Variants in B3GALT1 observed in about 807,000 individuals in gnomAD.
B3GALT1 encodes beta-1,3-galactosyltransferase 1.
In B3GALT1, 10 loss-of-function variants were observed where a neutral mutation model predicts 23.2. The observed-to-expected ratio is 0.43, with a 90% confidence interval of 0.27 to 0.73. The LOEUF is 0.73. Ranked by LOEUF, B3GALT1 falls within the 30% of genes least tolerant of loss-of-function variation. B3GALT1 has a pLI of 0.21. For synonymous variants in B3GALT1, 156 were observed against 141.5 expected (o/e 1.10, Z -0.73); for missense variants, 299 against 405.4 (o/e 0.74, Z 2.25).
intron 3 of B3GALT1, among the ~76,000 whole-genome samples, chr2:167,655,643 T>G (rs1685943754): frequency 6.6e-6 from 1 of 152,212 alleles, no homozygotes; most frequent in Non-Finnish European, 1.5e-5. Flanking sequence ...TGTAAATCAT[T>G]TTTTCCTATC....
chr2:167,570,830 ATCT>A (rs1184758303), intron 2 of B3GALT1, among the ~76,000 whole-genome samples: 1 of 151,928 alleles, frequency 6.6e-6, no homozygotes, highest in Non-Finnish European at 1.5e-5. Flanking sequence ...GGCTGCTAAA[ATCT>A]TCTTTTTGGA....
intron 1 of B3GALT1, among the ~76,000 whole-genome samples, chr2:167,434,958 T>TA (rs902506666): frequency 3.9e-5 from 6 of 152,104 alleles, no homozygotes; most frequent in African/African-American, 1.4e-4. Context: ...GATTAAGTTT[T>TA]AAAATTATAA....
intron 2 of B3GALT1, among the ~76,000 whole-genome samples, chr2:167,573,740 A>G (rs554703923): frequency 2.0e-4 from 31 of 151,720 alleles, no homozygotes; most frequent in Non-Finnish European, 3.5e-4. Flanking sequence ...TTACACAAAG[A>G]ATAGGCTACA....
intron 4 of B3GALT1, among the ~76,000 whole-genome samples, chr2:167,820,979 C>T (rs558865950): frequency 2.6e-5 from 4 of 152,312 alleles, no homozygotes; most frequent in Admixed American, 2.6e-4. Flanking sequence ...TATTTTATCT[C>T]TGCCTCTGGA....
At chr2:167,459,106 A>T (rs1699217133) in intron 1 of B3GALT1, among the ~76,000 whole-genome samples, 1 of 152,080 alleles carries the variant, frequency 6.6e-6, no homozygotes, top group South Asian at 2.1e-4. Flanking sequence ...TTTCATTTAC[A>T]TTTAAAGTAA....
chr2:167,603,064 C>T (rs547082152), intron 2 of B3GALT1, among the ~76,000 whole-genome samples: 6 of 152,182 alleles, frequency 3.9e-5, no homozygotes, highest in Admixed American at 2.0e-4. Context: ...GCTTTTCTCC[C>T]GACAGGAAAC....
At chr2:167,589,084 G>A (rs10182563) in intron 2 of B3GALT1, among the ~76,000 whole-genome samples, 27,397 of 151,848 alleles carry the variant, frequency 0.18, 2,537 homozygotes, top group Non-Finnish European at 0.2. Flanking sequence ...TGGGACCACA[G>A]GCATGAGCCA....
chr2:167,401,961 A>T (rs149927694), intron 1 of B3GALT1, among the ~76,000 whole-genome samples: 422 of 152,286 alleles, frequency 2.8e-3, no homozygotes, highest in African/African-American at 9.6e-3. Context: ...ATTAAATGGA[A>T]ATGAATGGGT....
At chr2:167,322,061 T>C (rs1334606892) in intron 1 of B3GALT1, among the ~76,000 whole-genome samples, 1 of 152,036 alleles carries the variant, frequency 6.6e-6, no homozygotes, top group Non-Finnish European at 1.5e-5. Flanking sequence ...TGAGACCTTC[T>C]CCTCTTGTGT....
intron 2 of B3GALT1, among the ~76,000 whole-genome samples, chr2:167,619,171 C>T (rs576297333): frequency 6.5e-4 from 98 of 151,892 alleles, no homozygotes; most frequent in South Asian, 1.9e-3. Context: ...GTATGCACTC[C>T]TAGATTTTTG....
intron 3 of B3GALT1, among the ~76,000 whole-genome samples, chr2:167,805,720 G>C (rs1688738509): frequency 6.6e-6 from 1 of 152,140 alleles, no homozygotes; most frequent in South Asian, 2.1e-4. Context: ...ATGCTGTTTT[G>C]ATTACTGTAG....
intron 1 of B3GALT1, among the ~76,000 whole-genome samples, chr2:167,422,575 G>A (rs1698564378): frequency 6.6e-6 from 1 of 152,170 alleles, no homozygotes; most frequent in Non-Finnish European, 1.5e-5. Flanking sequence ...TATGCCAAGT[G>A]AGAGGCAATT....
intron 1 of B3GALT1, among the ~76,000 whole-genome samples, chr2:167,371,176 A>T (rs568993844): frequency 6.6e-6 from 1 of 151,084 alleles, no homozygotes; most frequent in African/African-American, 2.5e-5. Context: ...TGTTTGTTCT[A>T]TGAGGGCAGG....
At chr2:167,799,055 G>A (rs57547835) in intron 3 of B3GALT1, among the ~76,000 whole-genome samples, 4,146 of 152,156 alleles carry the variant, frequency 0.027, 84 homozygotes, top group South Asian at 0.068. Flanking sequence ...TTAATGTTTC[G>A]AGGTGCTTTC....
At chr2:167,633,329 G>A (rs953709321) in intron 2 of B3GALT1, among the ~76,000 whole-genome samples, 27 of 151,802 alleles carry the variant, frequency 1.8e-4, no homozygotes, top group Non-Finnish European at 1.9e-4. Context: ...CATCAGACTT[G>A]TAAATGGGCT....
intron 3 of B3GALT1, among the ~76,000 whole-genome samples, chr2:167,689,518 T>C (rs535640977): frequency 6.6e-6 from 1 of 152,292 alleles, no homozygotes; most frequent in East Asian, 1.9e-4. Flanking sequence ...CAATAGACTT[T>C]TCTTTTCCTC....
intron 4 of B3GALT1, among the ~76,000 whole-genome samples, chr2:167,825,955 A>G (rs1269050120): frequency 6.6e-6 from 1 of 152,170 alleles, no homozygotes; most frequent in East Asian, 1.9e-4. Flanking sequence ...AAATGTTACA[A>G]ATGTTTTCCC....
chr2:167,789,603 C>T (rs184109320), intron 3 of B3GALT1, among the ~76,000 whole-genome samples: 2 of 150,194 alleles, frequency 1.3e-5, no homozygotes, highest in Admixed American at 6.7e-5. Flanking sequence ...CAGCAAACTG[C>T]TGTGTTCATT....
At chr2:167,458,807 G>T (rs1035395654) in intron 1 of B3GALT1, among the ~76,000 whole-genome samples, 9 of 151,918 alleles carry the variant, frequency 5.9e-5, no homozygotes, top group African/African-American at 9.7e-5. Flanking sequence ...AGATTTTTTT[G>T]TTGTTGTTGA....
Sources: allele counts gnomAD v4.1 joint callset (sites outside exome capture counted in the v4.1 genomes callset), GRCh38; gene constraint gnomAD v4.1.1; transcripts MANE v1.5; gene names NCBI Gene and HGNC (gene_info 2026-07-23, HGNC 2026-07-21).